The following ARHGAP26 variants were observed in gnomAD, a reference collection of about 807,000 sequenced individuals.
ARHGAP26 encodes the protein rho GTPase-activating protein 26.
In ARHGAP26, 38 loss-of-function variants were observed where a neutral mutation model predicts 104.8. The observed-to-expected ratio is 0.36, with a 90% CI of 0.28 to 0.48. The LOEUF is 0.48. ARHGAP26 is among the 20% of genes least tolerant of loss of function. The pLI is 0.99. For missense variants in ARHGAP26, 704 were observed against 947.9 expected, an observed-to-expected ratio of 0.74 and a Z score of 3.38; for synonymous variants, 341 against 340.0, an observed-to-expected ratio of 1.00 and a Z score of -0.03.
At chr5:142,974,087 A>G (rs1365967178) in intron 11 of ARHGAP26, among the ~76,000 whole-genome samples, 2 of 151,864 alleles carry the variant, frequency 1.3e-5, no homozygotes, top group African/African-American at 4.8e-5. Context: ...TTTAAATTTT[A>G]TATCTAGTGC....
At chr5:142,988,913 A>G (rs181266765) in intron 11 of ARHGAP26, among the ~76,000 whole-genome samples, 56 of 152,288 alleles carry the variant, frequency 3.7e-4, no homozygotes, top group Admixed American at 1.9e-3. Context: ...ACTTCCAACT[A>G]TGTGGTTAAT....
At chr5:142,911,133 C>T (rs1334798067) in intron 9 of ARHGAP26, among the ~76,000 whole-genome samples, 1 of 152,160 alleles carries the variant, frequency 6.6e-6, no homozygotes, top group African/African-American at 2.4e-5. Flanking sequence ...GGAAGAATTT[C>T]CCTGCATCCT....
At chr5:143,038,439 A>G (rs1782965644) in intron 13 of ARHGAP26, among the ~76,000 whole-genome samples, 1 of 152,184 alleles carries the variant, frequency 6.6e-6, no homozygotes. Context: ...TTGTAAAGGT[A>G]TGTAAGATAT....
At chr5:143,177,877 G>A (rs1003692927) in intron 20 of ARHGAP26, among the ~76,000 whole-genome samples, 3 of 151,766 alleles carry the variant, frequency 2.0e-5, no homozygotes, top group Non-Finnish European at 2.9e-5. Flanking sequence ...TGATAAATAC[G>A]GATGGAAAGC....
intron 11 of ARHGAP26, among the ~76,000 whole-genome samples, chr5:142,945,609 A>G (rs925743138): frequency 6.6e-6 from 1 of 152,224 alleles, no homozygotes; most frequent in Non-Finnish European, 1.5e-5. Context: ...TCAAGAATTT[A>G]TCAGAGGCTT....
rs559989070 is a variant in ARHGAP26, at chr5:143,160,296, C to T, written c.1988+12915C>T. On this transcript the variant is annotated intron_variant, in intron 20 of 22. Coordinates refer to ENST00000645722, the MANE Select transcript of ARHGAP26 (RefSeq NM_001135608.3). Reference sequence around the variant, plus strand: ...GGATGGTCTCAATCTCCTGACCTCACGATCCACCTGCCTCAGCCTCCCAAA... The same window carrying T: ...GGATGGTCTCAATCTCCTGACCTCATGATCCACCTGCCTCAGCCTCCCAAA... 5.3e-5 allele frequency among the ~76,000 whole-genome samples: 8 copies of T among 151,944 alleles called. No homozygotes were observed. In the South Asian group the frequency reaches 8.3e-4, roughly 16 times the overall value.
intron 11 of ARHGAP26, among the ~76,000 whole-genome samples, chr5:142,950,584 A>G (rs896287067): frequency 6.6e-6 from 1 of 152,008 alleles, no homozygotes; most frequent in African/African-American, 2.4e-5. Flanking sequence ...TGGTTCCACT[A>G]TTGTTATCAG....
intron 1 of ARHGAP26, among the ~76,000 whole-genome samples, chr5:142,813,191 T>G (rs1391688763): frequency 6.6e-6 from 1 of 152,214 alleles, no homozygotes; most frequent in African/African-American, 2.4e-5. Context: ...TCCACCCGCC[T>G]TGGCCTCCCA....
chr5:143,102,596 C>A (rs1475128550), intron 17 of ARHGAP26, among the ~76,000 whole-genome samples: 2 of 152,250 alleles, frequency 1.3e-5, no homozygotes, highest in African/African-American at 4.8e-5. Flanking sequence ...CCTGGTTACA[C>A]CCCTGTGCCT....
chr5:143,215,301 C>T (rs1322709784), intron 22 of ARHGAP26, among the ~76,000 whole-genome samples: 1 of 152,226 alleles, frequency 6.6e-6, no homozygotes, highest in Non-Finnish European at 1.5e-5. Flanking sequence ...CTCATATGGG[C>T]AGGGGATCAT....
chr5:143,015,802 A>T (rs1779509434), intron 12 of ARHGAP26, among the ~76,000 whole-genome samples: 1 of 152,216 alleles, frequency 6.6e-6, no homozygotes, highest in East Asian at 1.9e-4. Flanking sequence ...GACCTTATGA[A>T]CCTACATCTC....
intron 1 of ARHGAP26, among the ~76,000 whole-genome samples, chr5:142,781,552 A>T (rs1258520714): frequency 1.3e-5 from 2 of 152,090 alleles, no homozygotes; most frequent in Admixed American, 1.3e-4. Flanking sequence ...CACCTGGGGG[A>T]AAAGGGAGGG....
At chr5:143,092,407 G>T (rs967434072) in intron 17 of ARHGAP26, among the ~76,000 whole-genome samples, 1 of 151,914 alleles carries the variant, frequency 6.6e-6, no homozygotes, top group Admixed American at 6.6e-5. Flanking sequence ...CTCGTGATCC[G>T]CCCACCTCGG....
intron 17 of ARHGAP26, among the ~76,000 whole-genome samples, chr5:143,112,886 A>G (rs1794939041): frequency 6.6e-6 from 1 of 152,226 alleles, no homozygotes; most frequent in Non-Finnish European, 1.5e-5. Flanking sequence ...TTGCTTCTGC[A>G]TTTTAACTAT....
rs10452528 is a variant in ARHGAP26, at chr5:143,031,609, G to T, written c.1145-5587G>T. Among the ~76,000 whole-genome samples the T allele has an allele frequency of 9.0e-4, 136 of 150,692 alleles. 1 individual carries two copies. Among genetic ancestry groups the T allele is most frequent in the Middle Eastern group, 6.8e-3 (2 of 294 alleles). On this transcript the variant is annotated intron_variant, in intron 12 of 22. Transcript: ENST00000645722. ...TTTTTAATAGCTGGGAGGAGCCAGT[G>T]AAAAGTATCTCAGATGAGGTCCCAG...
intron 11 of ARHGAP26, among the ~76,000 whole-genome samples, chr5:142,966,065 A>C (rs1380302213): frequency 6.6e-6 from 1 of 152,184 alleles, no homozygotes; most frequent in African/African-American, 2.4e-5. Flanking sequence ...AGCATGCAGA[A>C]TGGGAATGAT....
intron 4 of ARHGAP26, among the ~76,000 whole-genome samples, chr5:142,882,398 C>T (rs1338014183): frequency 6.6e-6 from 1 of 152,220 alleles, no homozygotes; most frequent in Non-Finnish European, 1.5e-5. Context: ...ATTAGATACA[C>T]ACAGTTCATT....
In ARHGAP26 at chr5:143,204,520, G is replaced by A. The variant is rs117963758; in HGVS notation, c.1989-2678G>A. 1.7e-3 allele frequency among the ~76,000 whole-genome samples: 262 copies of A among 152,274 alleles called. 2 individuals carry two copies. In the East Asian group the frequency reaches 0.024, roughly 14 times the overall value. ...GCCTGGGCGACAAGAGCAAAACTCC[G>A]TCTCCAGAAGAAAAAATTGCAGTTG... On this transcript the variant is annotated intron_variant, in intron 20 of 22. Transcript: ENST00000645722.
intron 1 of ARHGAP26, among the ~76,000 whole-genome samples, chr5:142,829,481 T>G (rs1767974041): frequency 1.3e-5 from 2 of 152,200 alleles, no homozygotes; most frequent in African/African-American, 4.8e-5. Context: ...CTGTGAATAG[T>G]TGTTACAATT....
Sources: allele counts gnomAD v4.1 joint callset (sites outside exome capture counted in the v4.1 genomes callset), GRCh38; gene constraint gnomAD v4.1.1; transcripts MANE v1.5; gene names NCBI Gene and HGNC (gene_info 2026-07-23, HGNC 2026-07-21).